The following PAK5 variants were observed in gnomAD, a reference collection of about 807,000 sequenced individuals.
PAK5 encodes the protein p21 (RAC1) activated kinase 5, also known as serine/threonine-protein kinase PAK 5.
Under a neutral mutation model 65.9 loss-of-function variants are expected in PAK5, and 16 were observed. The observed-to-expected ratio is 0.24, with a 90% CI of 0.16 to 0.37. PAK5 has a LOEUF of 0.37. PAK5 is among the 10% of genes least tolerant of loss of function. The pLI is 1.00. For missense variants in PAK5, 785 were observed against 903.9 expected, an observed-to-expected ratio of 0.87 and a Z score of 1.69; for synonymous variants, 371 against 354.9, an observed-to-expected ratio of 1.05 and a Z score of -0.51.
intron 3 of PAK5, among the ~76,000 whole-genome samples, chr20:9,599,595 A>G (rs1455152250): frequency 6.6e-6 from 1 of 152,046 alleles, no homozygotes; most frequent in Non-Finnish European, 1.5e-5. Context: ...TTTGATTTGC[A>G]TTTTCTCAGA....
chr20:9,767,211 G>T (rs1227587726), intron 1 of PAK5, among the ~76,000 whole-genome samples: 1 of 152,138 alleles, frequency 6.6e-6, no homozygotes, highest in Non-Finnish European at 1.5e-5. Context: ...TTGGATACAG[G>T]CAGCCTTTGA....
At chr20:9,835,166 C>G (rs1182571434) in intron 1 of PAK5, among the ~76,000 whole-genome samples, 1 of 152,190 alleles carries the variant, frequency 6.6e-6, no homozygotes, top group Non-Finnish European at 1.5e-5. Flanking sequence ...AGTATTCGTT[C>G]CTTCACTCAT....
chr20:9,712,675 C>T (rs146678826), intron 1 of PAK5, among the ~76,000 whole-genome samples: 207 of 152,072 alleles, frequency 1.4e-3, no homozygotes, highest in African/African-American at 4.4e-3. Context: ...ACAGGCATGC[C>T]GATGAATAGA....
intron 3 of PAK5, among the ~76,000 whole-genome samples, chr20:9,582,481 T>C (rs563964980): frequency 6.6e-6 from 1 of 152,296 alleles, no homozygotes; most frequent in South Asian, 2.1e-4. Flanking sequence ...CGCATAATGT[T>C]TAGGGTACAT....
chr20:9,820,227 T>C (rs2049403609), intron 1 of PAK5, among the ~76,000 whole-genome samples: 1 of 152,196 alleles, frequency 6.6e-6, no homozygotes, highest in Admixed American at 6.5e-5. Context: ...TTCCTCCTCA[T>C]AATATCAACT....
intron 9 of PAK5, 149 bp from the exon 10 acceptor site, chr20:9,539,766 T>C: frequency 3.1e-6 from 2 of 653,670 alleles, no homozygotes; most frequent in Non-Finnish European, 5.4e-6. Flanking sequence ...AAGCATGTCT[T>C]GTCTTTGTTA....
chr20:9,795,625 T>C (rs1437143465), intron 1 of PAK5, among the ~76,000 whole-genome samples: 1 of 152,164 alleles, frequency 6.6e-6, no homozygotes, highest in Non-Finnish European at 1.5e-5. Context: ...TGAACATACG[T>C]AATGTTTTGT....
At chr20:9,667,729 A>G (rs2047439012) in intron 2 of PAK5, among the ~76,000 whole-genome samples, 1 of 152,204 alleles carries the variant, frequency 6.6e-6, no homozygotes, top group African/African-American at 2.4e-5. Flanking sequence ...GTCATTTGTC[A>G]CACAGCAGTA....
intron 1 of PAK5, among the ~76,000 whole-genome samples, chr20:9,775,391 C>G (rs1439602146): frequency 1.3e-5 from 2 of 152,172 alleles, no homozygotes; most frequent in Non-Finnish European, 2.9e-5. Flanking sequence ...GTTCATTCCA[C>G]CCACAGGGTC....
At position 9,566,275 on chromosome 20, in the gene PAK5, G is replaced by A. The variant is rs2123000224; in HGVS notation, c.1100C>T (p.Ser367Phe). 6.2e-7 allele frequency: 1 copy of A among 1,613,794 alleles called. No homozygotes were observed. The highest frequency in any genetic ancestry group is 1.3e-5 in the African/African-American group (1 of 75,002). Residue 367 changes from serine to phenylalanine, a missense_variant, in exon 5 of 10, where the codon TCC (serine) becomes TTC (phenylalanine). Physicochemically the swap from Ser to Phe is radical, Grantham distance 155. This residue lies in a region of PAK5 where 422 missense variants were observed against 413.3 expected (regional missense o/e 1.02). Coordinates refer to ENST00000353224, the MANE Select transcript of PAK5 (RefSeq NM_177990.4). ...LPQSQSKSGYSSSSHQYPSGY... is the reference protein window; with the variant it reads ...LPQSQSKSGYFSSSHQYPSGY... ...AGACGGGTACTGGTGACTGCTTGAG[G>A]AATAGCCCGATTTGCTTTGACTTTG... is the stretch of plus-strand genomic sequence containing the variant.
chr20:9,770,772 T>TG (rs1184123418), intron 1 of PAK5, among the ~76,000 whole-genome samples: 1 of 152,020 alleles, frequency 6.6e-6, no homozygotes, highest in Non-Finnish European at 1.5e-5. Flanking sequence ...CAGGTCACAG[T>TG]GGGGTTGAAG....
At chr20:9,608,516 A>C (rs1008356387) in intron 3 of PAK5, among the ~76,000 whole-genome samples, 1 of 152,246 alleles carries the variant, frequency 6.6e-6, no homozygotes, top group Non-Finnish European at 1.5e-5. Context: ...GTCTCTAGGT[A>C]AGACATGGTG....
intron 1 of PAK5, among the ~76,000 whole-genome samples, chr20:9,721,473 C>A (rs1300419149): frequency 1.3e-5 from 2 of 151,708 alleles, no homozygotes; most frequent in Non-Finnish European, 2.9e-5. Context: ...CATGGTGAAA[C>A]CCCGTCTCTA....
At chr20:9,807,214 G>T (rs1459738151) in intron 1 of PAK5, among the ~76,000 whole-genome samples, 1 of 151,990 alleles carries the variant, frequency 6.6e-6, no homozygotes, top group Non-Finnish European at 1.5e-5. Flanking sequence ...GTGGTTCTGG[G>T]GATTGAGATG....
chr20:9,565,822 T>C (rs78019328), intron 5 of PAK5, 71 bp downstream of exon 5: 14,737 of 1,417,144 alleles, frequency 0.01, 190 homozygotes, highest in Non-Finnish European at 9.5e-3. Context: ...AAAATGTACA[T>C]GTGTATAACT....
At chr20:9,623,111 A>T (rs950637821) in intron 3 of PAK5, among the ~76,000 whole-genome samples, 1 of 152,236 alleles carries the variant, frequency 6.6e-6, no homozygotes, top group Non-Finnish European at 1.5e-5. Flanking sequence ...TCTGTGTCAC[A>T]AGGAGTGGAG....
chr20:9,613,381 C>T (rs756008142), intron 3 of PAK5, among the ~76,000 whole-genome samples: 7 of 152,150 alleles, frequency 4.6e-5, no homozygotes, highest in Non-Finnish European at 5.9e-5. Context: ...CCATGGGAAC[C>T]AGTACTGGGT....
At chr20:9,647,961 T>A (rs1475987264) in intron 2 of PAK5, among the ~76,000 whole-genome samples, 2 of 152,202 alleles carry the variant, frequency 1.3e-5, no homozygotes, top group African/African-American at 4.8e-5. Flanking sequence ...ATGGGACAGA[T>A]GGACGCCTAG....
intron 1 of PAK5, among the ~76,000 whole-genome samples, chr20:9,743,534 A>G (rs2048474050): frequency 6.6e-6 from 1 of 152,116 alleles, no homozygotes; most frequent in Non-Finnish European, 1.5e-5. Flanking sequence ...CCTAAACCAA[A>G]ATGCATCCCA....
Sources: allele counts gnomAD v4.1 joint callset (sites outside exome capture counted in the v4.1 genomes callset), GRCh38; gene constraint gnomAD v4.1.1; regional missense constraint gnomAD v4.1.1; transcripts MANE v1.5; gene names NCBI Gene and HGNC (gene_info 2026-07-23, HGNC 2026-07-21).